Variants in TNIK observed in about 807,000 individuals in gnomAD.
The protein encoded by TNIK is TRAF2 and NCK interacting kinase, also known as TRAF2 and NCK-interacting protein kinase.
TNIK carries 49 observed loss-of-function variants against 191.3 expected under a neutral mutation model. The ratio of observed to expected loss-of-function variants is 0.26; its 90% CI spans 0.20 to 0.32. The LOEUF is 0.32. Among genes scored for constraint, TNIK ranks in the 10% least tolerant of loss-of-function variants. The pLI is 1.00. For missense variants in TNIK, 1,155 were observed against 1,702.3 expected, an observed-to-expected ratio of 0.68 and a Z score of 5.66; for synonymous variants, 594 against 600.9, an observed-to-expected ratio of 0.99 and a Z score of 0.17.
Position 171,140,416 on chromosome 3 carries a change from G to C in TNIK, c.1315C>G (p.Arg439Gly). The C allele has an allele frequency of 6.2e-7, 1 of 1,601,774 alleles. No individual in the cohort carries two copies. Among genetic ancestry groups the C allele is most frequent in the Non-Finnish European group, 8.5e-7 (1 of 1,174,026 alleles). The change falls in exon 13 of 33, where the codon CGT becomes GGT. Residue 439 changes from arginine to glycine, a missense_variant. This residue lies in a region of TNIK where 735 missense variants were observed against 848.0 expected (regional missense o/e 0.87). Coordinates refer to ENST00000436636, the MANE Select transcript of TNIK (RefSeq NM_015028.4). ...AGCTGTACCTGTTCATGCTCCGCACGCCTCCTCTCCTCCTCCCGGCGCATC... is the reference window on the plus strand; with the variant it reads ...AGCTGTACCTGTTCATGCTCCGCACCCCTCCTCTCCTCCTCCCGGCGCATC... ...EQMRREEERRRAEHEQEYIRR... is the reference protein window; with the variant it reads ...EQMRREEERRGAEHEQEYIRR...
chr3:171,408,915 A>AGTTG (rs1722052393), intron 1 of TNIK, among the ~76,000 whole-genome samples: 4 of 152,168 alleles, frequency 2.6e-5, no homozygotes, highest in Admixed American at 2.0e-4. Flanking sequence ...CCTCACTCGC[A>AGTTG]ACTGCACATC....
intron 2 of TNIK, among the ~76,000 whole-genome samples, chr3:171,297,322 G>C (rs185421187): frequency 6.6e-6 from 1 of 152,154 alleles, no homozygotes; most frequent in African/African-American, 2.4e-5. Context: ...GATATGTTGG[G>C]CTCAATATAT....
At chr3:171,103,923 G>A (rs921234876) in intron 21 of TNIK, among the ~76,000 whole-genome samples, 4 of 151,928 alleles carry the variant, frequency 2.6e-5, no homozygotes, top group Non-Finnish European at 5.9e-5. Context: ...ACTTTCACTT[G>A]TTAAAATGAC....
At chr3:171,252,964 C>T (rs1036701025) in intron 2 of TNIK, among the ~76,000 whole-genome samples, 1 of 151,990 alleles carries the variant, frequency 6.6e-6, no homozygotes, top group Admixed American at 6.5e-5. Context: ...CCGAAGGAAA[C>T]CACTCTTAGT....
intron 15 of TNIK, among the ~76,000 whole-genome samples, chr3:171,133,940 A>G (rs1408534695): frequency 6.6e-6 from 1 of 152,216 alleles, no homozygotes; most frequent in Non-Finnish European, 1.5e-5. Context: ...AGAGAACACG[A>G]TGGAGTGCTA....
chr3:171,118,384 A>G (rs898009855), intron 18 of TNIK, among the ~76,000 whole-genome samples: 3 of 152,234 alleles, frequency 2.0e-5, no homozygotes, highest in Non-Finnish European at 4.4e-5. Context: ...TATAGATTCA[A>G]TGCCATCCCC....
intron 2 of TNIK, among the ~76,000 whole-genome samples, chr3:171,363,124 T>C (rs1715218688): frequency 1.3e-5 from 2 of 152,176 alleles, no homozygotes; most frequent in Admixed American, 1.3e-4. Context: ...TGCTGCTTTG[T>C]AGTTGGATGA....
intron 8 of TNIK, 24 bp from the exon 9 acceptor site, chr3:171,175,354 C>T (rs771183958): frequency 6.3e-7 from 1 of 1,592,152 alleles, no homozygotes; most frequent in Non-Finnish European, 8.5e-7. Context: ...AAACAAGGGC[C>T]AGCTACAGTT....
At chr3:171,344,011 C>T (rs1029644496) in intron 2 of TNIK, among the ~76,000 whole-genome samples, 1 of 152,168 alleles carries the variant, frequency 6.6e-6, no homozygotes, top group African/African-American at 2.4e-5. Context: ...TTCCTCCCTC[C>T]TTCCCATTGC....
chr3:171,424,410 T>C (rs2108639665), intron 1 of TNIK, among the ~76,000 whole-genome samples: 1 of 152,312 alleles, frequency 6.6e-6, no homozygotes, highest in Non-Finnish European at 1.5e-5. Context: ...TCAACCATGG[T>C]GGAAGTCGGT....
chr3:171,150,025 G>A (rs909195035), intron 12 of TNIK, among the ~76,000 whole-genome samples: 2 of 152,220 alleles, frequency 1.3e-5, no homozygotes, highest in East Asian at 3.9e-4. Context: ...CTGGCTTGGG[G>A]CCTGGGAGTG....
chr3:171,295,760 T>TA (rs1752221532), intron 2 of TNIK, among the ~76,000 whole-genome samples: 1 of 152,064 alleles, frequency 6.6e-6, no homozygotes, highest in African/African-American at 2.4e-5. Flanking sequence ...ACCAGGGAGG[T>TA]AGCCCCATCT....
At chr3:171,132,399 GA>G (rs894852203) in intron 15 of TNIK, among the ~76,000 whole-genome samples, 5 of 151,902 alleles carry the variant, frequency 3.3e-5, no homozygotes, top group African/African-American at 9.7e-5. Context: ...TATATAGAGA[GA>G]AAAAAAATAA....
intron 22 of TNIK, among the ~76,000 whole-genome samples, chr3:171,099,286 C>T (rs74779273): frequency 0.065 from 9,927 of 152,128 alleles, 434 homozygotes; most frequent in Middle Eastern, 0.14. Flanking sequence ...TCCCCTCCAC[C>T]GTATACACCA....
At chr3:171,142,041 T>A (rs905122184) in intron 12 of TNIK, among the ~76,000 whole-genome samples, 2 of 152,222 alleles carry the variant, frequency 1.3e-5, no homozygotes, top group Non-Finnish European at 2.9e-5. Context: ...ACCTTCCCGA[T>A]GGAGCTCCTG....
At chr3:171,421,251 C>A (rs1723753706) in intron 1 of TNIK, among the ~76,000 whole-genome samples, 1 of 152,208 alleles carries the variant, frequency 6.6e-6, no homozygotes. Context: ...GATGTAGAAA[C>A]TGCCTTCCAC....
At chr3:171,225,109 C>T (rs745610057) in intron 3 of TNIK, among the ~76,000 whole-genome samples, 2 of 152,130 alleles carry the variant, frequency 1.3e-5, no homozygotes, top group Non-Finnish European at 1.5e-5. Flanking sequence ...TTTGAGAATT[C>T]ATTTCAGTTT....
At chr3:171,190,888 G>C in intron 5 of TNIK, 101 bp from the exon 6 acceptor site, 1 of 757,294 alleles carries the variant, frequency 1.3e-6, no homozygotes, top group Non-Finnish European at 2.1e-6. Context: ...CACTCACCCA[G>C]ACATACTTTT....
intron 15 of TNIK, among the ~76,000 whole-genome samples, chr3:171,133,240 G>A (rs1367837350): frequency 6.6e-6 from 1 of 152,210 alleles, no homozygotes; most frequent in East Asian, 1.9e-4. Flanking sequence ...ATCCCTGTGT[G>A]AATGGAGCAC....
Sources: gnomAD v4.1 joint callset for allele counts (sites outside exome capture counted in the v4.1 genomes callset) on GRCh38, gnomAD v4.1.1 for gene constraint, gnomAD v4.1.1 regional missense constraint, MANE v1.5 for transcripts, NCBI Gene and HGNC (gene_info 2026-07-23, HGNC 2026-07-21) for gene names.